Variants in ULK4 observed in about 807,000 individuals in gnomAD.
ULK4 encodes unc-51 like kinase 4.
A neutral mutation model predicts 160.6 loss-of-function variants in ULK4; 133 were observed. The ratio of observed to expected loss-of-function variants is 0.83; its 90% CI spans 0.72 to 0.96. The LOEUF (loss-of-function observed/expected upper bound fraction) is 0.96. ULK4 is among the 40% of genes least tolerant of loss of function. ULK4 has a pLI of 0.00. For synonymous variants in ULK4, 534 were observed against 539.8 expected (o/e 0.99, Z 0.15); for missense variants, 1,580 against 1,499.5 (o/e 1.05, Z -0.89).
In ULK4 at chr3:41,494,685, T is replaced by C. The variant is rs959075640; in HGVS notation, c.3227-31432A>G. 4.6e-5 allele frequency among the ~76,000 whole-genome samples: 7 copies of C among 152,250 alleles called. No individual in the cohort carries two copies. In the East Asian group the frequency reaches 9.7e-4, roughly 21 times the overall value. ...TGATTGTGTATCTAGAAAACCCCACTGTCTCAGCCCAAAATCTCCTTAAGC... is the reference window on the plus strand; with the variant it reads ...TGATTGTGTATCTAGAAAACCCCACCGTCTCAGCCCAAAATCTCCTTAAGC... On this transcript the variant is annotated intron_variant, in intron 32 of 36. Coordinates refer to ENST00000301831, the MANE Select transcript of ULK4 (RefSeq NM_017886.4).
At chr3:41,532,834 C>T (rs1235208375) in intron 32 of ULK4, among the ~76,000 whole-genome samples, 1 of 152,086 alleles carries the variant, frequency 6.6e-6, no homozygotes, top group African/African-American at 2.4e-5. Flanking sequence ...ATGTAGAGTT[C>T]CGATTCCAAA....
At chr3:41,575,783 G>A (rs942128397) in intron 31 of ULK4, among the ~76,000 whole-genome samples, 13 of 152,210 alleles carry the variant, frequency 8.5e-5, no homozygotes, top group African/African-American at 2.9e-4. Context: ...AATGCGCTGC[G>A]AATGCCCTTC....
At chr3:41,911,826 C>T (rs1406097299) in intron 9 of ULK4, among the ~76,000 whole-genome samples, 167 bp from the exon 10 acceptor site, 4 of 152,144 alleles carry the variant, frequency 2.6e-5, no homozygotes, top group African/African-American at 4.8e-5. Flanking sequence ...CATCAAAGAC[C>T]GGCAGGAAAG....
At position 41,793,567 on chromosome 3, in the gene ULK4, G is replaced by T. The variant is rs189226635; in HGVS notation, c.2011-3724C>A. 1.3e-4 allele frequency among the ~76,000 whole-genome samples: 20 copies of T among 152,250 alleles called. No individual in the cohort carries two copies. The East Asian group carries it at 3.9e-3, about 29-fold the overall frequency. On this transcript the variant is annotated intron_variant, in intron 20 of 36. Transcript: ENST00000301831. ...AGGGGCAGGGGGTGGACAGAGAAGA[G>T]GAAGTAGTTAATGTTGCTTGAAAAG...
At chr3:41,484,656 G>T (rs1041137171) in intron 32 of ULK4, among the ~76,000 whole-genome samples, 9 of 152,106 alleles carry the variant, frequency 5.9e-5, no homozygotes, top group Middle Eastern at 3.4e-3. Flanking sequence ...GTTTCACCGT[G>T]TTAGCCAGGA....
intron 17 of ULK4, among the ~76,000 whole-genome samples, chr3:41,851,556 T>C (rs1286405853): frequency 1.3e-5 from 2 of 152,214 alleles, no homozygotes; most frequent in Non-Finnish European, 2.9e-5. Context: ...GTTGTGTCTC[T>C]GCCAGGCTTT....
intron 34 of ULK4, among the ~76,000 whole-genome samples, chr3:41,411,734 C>G (rs1056868021): frequency 3.9e-4 from 59 of 152,128 alleles, no homozygotes; most frequent in African/African-American, 1.3e-3. Context: ...TGCCCAGCAA[C>G]CTTTCTATTG....
chr3:41,296,819 G>A (rs567670752), intron 35 of ULK4, among the ~76,000 whole-genome samples: 5 of 152,170 alleles, frequency 3.3e-5, no homozygotes, highest in African/African-American at 9.6e-5. Flanking sequence ...CAAACAGAAC[G>A]AGGCCACTGA....
At chr3:41,747,294 A>G (rs564115417) in intron 22 of ULK4, among the ~76,000 whole-genome samples, 1 of 152,032 alleles carries the variant, frequency 6.6e-6, no homozygotes, top group Non-Finnish European at 1.5e-5. Flanking sequence ...AACTCTCGAA[A>G]TTCCATCTTT....
chr3:41,775,623 T>G (rs1427921433), intron 21 of ULK4, among the ~76,000 whole-genome samples: 1 of 150,650 alleles, frequency 6.6e-6, no homozygotes, highest in East Asian at 1.9e-4. Context: ...GGTCTTGAAC[T>G]CCTGACCTCA....
intron 34 of ULK4, among the ~76,000 whole-genome samples, chr3:41,403,322 A>G (rs1575518062): frequency 6.6e-6 from 1 of 152,116 alleles, no homozygotes; most frequent in African/African-American, 2.4e-5. Flanking sequence ...ATGTTGGTTG[A>G]GTTCTGGTAG....
intron 32 of ULK4, among the ~76,000 whole-genome samples, chr3:41,527,208 A>G (rs1337631143): frequency 6.6e-6 from 1 of 152,256 alleles, no homozygotes; most frequent in Non-Finnish European, 1.5e-5. Context: ...CATGCTCTAC[A>G]GCTCGTTTCT....
Position 41,897,104 on chromosome 3 carries a change from G to A in ULK4, c.1349-101C>T, listed in dbSNP as rs575626363. Reference sequence around the variant, plus strand: ...CACAGAATTACGACAGCTAAGATGAGGACAAACATTACACTGTCAAAACCA... The same window carrying A: ...CACAGAATTACGACAGCTAAGATGAAGACAAACATTACACTGTCAAAACCA... On this transcript the variant is annotated intron_variant, in intron 14 of 36. Transcript: ENST00000301831. The A allele has an allele frequency of 9.3e-5, 101 of 1,089,742 alleles. 1 individual carries two copies. The South Asian group carries it at 1.7e-3, about 18-fold the overall frequency. The allele number at this position is 1,089,742 out of a possible 1,614,324, so 67.5% of individuals were successfully genotyped here.
intron 35 of ULK4, among the ~76,000 whole-genome samples, chr3:41,396,258 TG>T (rs1379898627): frequency 6.6e-6 from 1 of 152,092 alleles, no homozygotes; most frequent in Non-Finnish European, 1.5e-5. Flanking sequence ...ATGATGTCAT[TG>T]CCTGAGTGTC....
At chr3:41,889,602 C>G (rs1173551716) in intron 16 of ULK4, among the ~76,000 whole-genome samples, 1 of 152,116 alleles carries the variant, frequency 6.6e-6, no homozygotes, top group African/African-American at 2.4e-5. Context: ...AAGCTTAGTA[C>G]CTGGGTGACC....
chr3:41,295,121 T>C (rs776501721), intron 35 of ULK4, among the ~76,000 whole-genome samples: 2 of 152,182 alleles, frequency 1.3e-5, no homozygotes, highest in Non-Finnish European at 2.9e-5. Context: ...CGGAATAGAA[T>C]AGAGAGCCCA....
intron 30 of ULK4, among the ~76,000 whole-genome samples, chr3:41,632,124 T>G (rs1382498418): frequency 6.6e-6 from 1 of 152,144 alleles, no homozygotes; most frequent in Non-Finnish European, 1.5e-5. Flanking sequence ...GTAAGAAGCA[T>G]GCTCACATGT....
intron 27 of ULK4, among the ~76,000 whole-genome samples, chr3:41,704,241 C>T (rs2036785894): frequency 6.6e-6 from 1 of 152,136 alleles, no homozygotes; most frequent in Non-Finnish European, 1.5e-5. Context: ...GGACAGAACA[C>T]TGGAAACAGG....
chr3:41,660,977 T>G (rs2035132062), intron 30 of ULK4, among the ~76,000 whole-genome samples: 1 of 152,200 alleles, frequency 6.6e-6, no homozygotes, highest in African/African-American at 2.4e-5. Context: ...ATATCATAGT[T>G]TATGTTTTAC....
Sources: allele counts gnomAD v4.1 joint callset (sites outside exome capture counted in the v4.1 genomes callset), GRCh38; gene constraint gnomAD v4.1.1; transcripts MANE v1.5; gene names NCBI Gene and HGNC (gene_info 2026-07-23, HGNC 2026-07-21).